Variants in ADGRL2 observed in about 807,000 individuals in gnomAD.
ADGRL2 encodes adhesion G protein-coupled receptor L2.
In ADGRL2, 44 loss-of-function variants were observed where a neutral mutation model predicts 157.4. The observed-to-expected ratio is 0.28, with a 90% confidence interval of 0.22 to 0.36. ADGRL2 has a LOEUF of 0.36. ADGRL2 is among the 10% of genes least tolerant of loss of function. The probability of loss-of-function intolerance (pLI) is 1.00; values close to 1 mark genes in which losing one functional copy is unlikely to be tolerated. For missense variants in ADGRL2, 1,510 were observed against 1,768.9 expected, an observed-to-expected ratio of 0.85 and a Z score of 2.63; for synonymous variants, 585 against 624.7, an observed-to-expected ratio of 0.94 and a Z score of 0.95.
At chr1:81,578,776 T>G (rs2080847043) in intron 2 of ADGRL2, among the ~76,000 whole-genome samples, 1 of 152,158 alleles carries the variant, frequency 6.6e-6, no homozygotes, top group East Asian at 1.9e-4. Context: ...AAACAGGCAA[T>G]AATTGGTTAG....
intron 1 of ADGRL2, among the ~76,000 whole-genome samples, chr1:81,833,588 A>G (rs2092094136): frequency 1.3e-5 from 2 of 152,242 alleles, no homozygotes; most frequent in South Asian, 4.1e-4. Context: ...AATAAGCCTC[A>G]TCACATAATA....
intron 13 of ADGRL2, among the ~76,000 whole-genome samples, chr1:81,966,864 T>G (rs1265798021): frequency 2.0e-5 from 3 of 152,224 alleles, no homozygotes; most frequent in Non-Finnish European, 4.4e-5. Context: ...GCTAATTCAG[T>G]AATCAACAGG....
intron 3 of ADGRL2, among the ~76,000 whole-genome samples, chr1:81,609,040 G>T (rs1438952705): frequency 1.6e-5 from 2 of 127,480 alleles, no homozygotes; most frequent in African/African-American, 6.3e-5. Context: ...ATGTACAAGT[G>T]ATTTTTTTTT....
Position 81,351,518 on chromosome 1 carries a change from T to A in ADGRL2, c.-302+45009T>A, listed in dbSNP as rs1051190267. 2.0e-5 allele frequency among the ~76,000 whole-genome samples: 3 copies of A among 151,898 alleles called. 1 individual carries two copies. The East Asian group carries it at 5.8e-4, about 29-fold the overall frequency. On this transcript the variant is annotated intron_variant, in intron 1 of 24. Coordinates refer to the ADGRL2 transcript ENST00000370721. ...TCAACAAGAAATAGAAATCTGAAGG[T>A]ACTAAACCAAATTGAAGAAACCCTA...
chr1:81,840,433 A>G (rs985649814), intron 2 of ADGRL2, among the ~76,000 whole-genome samples: 1 of 152,092 alleles, frequency 6.6e-6, no homozygotes, highest in African/African-American at 2.4e-5. Flanking sequence ...TTACATCGGT[A>G]CATAATGAGA....
At chr1:81,478,919 A>G (rs2078327858) in intron 2 of ADGRL2, among the ~76,000 whole-genome samples, 1 of 152,038 alleles carries the variant, frequency 6.6e-6, no homozygotes, top group South Asian at 2.1e-4. Context: ...GTTATTTCTC[A>G]ATAACTCAGG....
At chr1:81,501,132 G>A (rs2078836929) in intron 2 of ADGRL2, among the ~76,000 whole-genome samples, 1 of 152,186 alleles carries the variant, frequency 6.6e-6, no homozygotes, top group East Asian at 1.9e-4. Flanking sequence ...AATTACTGCT[G>A]CCACAATGTT....
intron 1 of ADGRL2, among the ~76,000 whole-genome samples, chr1:81,726,587 G>A (rs1057508790): frequency 6.6e-6 from 1 of 152,144 alleles, no homozygotes; most frequent in Non-Finnish European, 1.5e-5. Flanking sequence ...TTGAGGAGTC[G>A]TTCCCCAAAG....
At chr1:81,377,007 G>C (rs2076261680) in intron 1 of ADGRL2, among the ~76,000 whole-genome samples, 2 of 152,062 alleles carry the variant, frequency 1.3e-5, no homozygotes, top group African/African-American at 4.8e-5. Flanking sequence ...GAGCCAAAAA[G>C]CGAGACACCA....
At position 81,990,902 on chromosome 1, in the gene ADGRL2, AGACTCTCCCTATCCG is replaced by A. The variant is rs776021485; in HGVS notation, c.4170_4184del (p.Asp1390_Pro1394del). On this transcript the variant is annotated inframe_deletion, in exon 24 of 24. Coordinates refer to ENST00000686636, the MANE Select transcript of ADGRL2 (RefSeq NM_001366006.2). Reference sequence around the variant, plus strand: ...TTTATACAAGCATGCCCAATCTTAGAGACTCTCCCTATCCGGAGAGCAGCCCTGACATGGAAGAAG... The same window carrying A: ...TTTATACAAGCATGCCCAATCTTAGAGAGAGCAGCCCTGACATGGAAGAAG... The A allele has an allele frequency of 5.1e-5, 82 of 1,614,016 alleles. 1 individual carries two copies. The highest frequency in any genetic ancestry group is 4.0e-4 in the East Asian group (18 of 44,868).
intron 1 of ADGRL2, among the ~76,000 whole-genome samples, chr1:81,733,004 A>T (rs1452164756): frequency 6.6e-6 from 1 of 152,228 alleles, no homozygotes; most frequent in African/African-American, 2.4e-5. Context: ...ATTCACTATG[A>T]TGATCTGAGA....
intron 1 of ADGRL2, among the ~76,000 whole-genome samples, chr1:81,319,939 C>T (rs920168326): frequency 2.2e-4 from 33 of 152,112 alleles, no homozygotes; most frequent in African/African-American, 7.7e-4. Flanking sequence ...ATTGACTTTT[C>T]CTTTCATGCA....
intron 3 of ADGRL2, among the ~76,000 whole-genome samples, chr1:81,687,208 A>ACTGCTGTCTTGATGAC (rs2083246897): frequency 6.6e-6 from 1 of 152,022 alleles, no homozygotes; most frequent in Admixed American, 6.6e-5. Context: ...GTCTTGATGA[A>ACTGCTGTCTTGATGAC]CTGCTGTCTT....
Position 81,759,565 on chromosome 1 carries a change from C to T in ADGRL2, c.-142-2246C>T, listed in dbSNP as rs192806373. ...AGTTTGAATGTTCCTTATATGTCCACAAAAGTTTTTTCTAGTCTTTTACCA... is the reference window on the plus strand; with the variant it reads ...AGTTTGAATGTTCCTTATATGTCCATAAAAGTTTTTTCTAGTCTTTTACCA... On this transcript the variant is annotated intron_variant, in intron 1 of 20. Transcript: ENST00000359929. 5.7e-3 allele frequency among the ~76,000 whole-genome samples: 860 copies of T among 152,202 alleles called. 8 individuals carry two copies. Among genetic ancestry groups the T allele is most frequent in the African/African-American group, 0.02 (818 of 41,566 alleles).
At position 81,955,979 on chromosome 1, in the gene ADGRL2, G is replaced by C; in HGVS notation, c.1936G>C (p.Asp646His). 1 of 1,611,102 alleles carries C rather than the reference G, an allele frequency of 6.2e-7. No homozygotes were observed. The highest frequency in any genetic ancestry group is 8.5e-7 in the Non-Finnish European group (1 of 1,178,624). ...AGCACATACTGCAACAATGTTACTC[G>C]ATACATTGGAAGAAGGAGCTTTTGT... ...EQAHTATMLL[D>H]TLEEGAFVLA... Residue 646 changes from aspartate to histidine, a missense_variant, in exon 11 of 24, where the codon GAT becomes CAT. This residue lies in a region of ADGRL2 where 325 missense variants were observed against 333.2 expected (regional missense o/e 0.98). Transcript: ENST00000686636.
chr1:81,747,990 G>T (rs970472730), intron 1 of ADGRL2, among the ~76,000 whole-genome samples: 1 of 152,102 alleles, frequency 6.6e-6, no homozygotes, highest in Non-Finnish European at 1.5e-5. Context: ...AAAATTCCTT[G>T]TTTGGTGCTC....
chr1:81,697,639 T>G (rs1163812497), upstream of ADGRL2, among the ~76,000 whole-genome samples: 1 of 152,122 alleles, frequency 6.6e-6, no homozygotes, highest in African/African-American at 2.4e-5. Flanking sequence ...ACCAAGACAT[T>G]GGATAGCAAA....
intron 1 of ADGRL2, among the ~76,000 whole-genome samples, chr1:81,810,758 T>C (rs1485951625): frequency 6.6e-6 from 1 of 151,850 alleles, no homozygotes; most frequent in African/African-American, 2.4e-5. Context: ...GTACTGAAAA[T>C]AATACATCTC....
Position 81,990,909 on chromosome 1 carries a change from C to G in ADGRL2, c.4174C>G (p.Pro1392Ala). 1 of 1,613,918 alleles carries G rather than the reference C, an allele frequency of 6.2e-7. No homozygotes were observed. The highest frequency in any genetic ancestry group is 8.5e-7 in the Non-Finnish European group (1 of 1,180,004). The change falls in exon 24 of 24, where the codon CCC becomes GCC. Residue 1392 changes from proline to alanine, a missense_variant. Around this residue, in one of 4 missense-constraint regions of ADGRL2, gnomAD observed 327 missense variants for 310.1 expected, o/e 1.05. Coordinates refer to ENST00000686636, the MANE Select transcript of ADGRL2 (RefSeq NM_001366006.2). ...YTSMPNLRDS[P>A]YPESSPDMEE... ...AAGCATGCCCAATCTTAGAGACTCT[C>G]CCTATCCGGAGAGCAGCCCTGACAT... is the stretch of plus-strand genomic sequence containing the variant.
Sources: gnomAD v4.1 joint callset for allele counts (sites outside exome capture counted in the v4.1 genomes callset) on GRCh38, gnomAD v4.1.1 for gene constraint, gnomAD v4.1.1 regional missense constraint, MANE v1.5 for transcripts, NCBI Gene and HGNC (gene_info 2026-07-23, HGNC 2026-07-21) for gene names.